Variants in OPCML observed in about 807,000 individuals in gnomAD.
OPCML encodes opioid-binding protein/cell adhesion molecule.
OPCML carries 13 observed loss-of-function variants against 37.8 expected under a neutral mutation model. The ratio of observed to expected loss-of-function variants is 0.34; its 90% CI spans 0.22 to 0.55. The LOEUF (loss-of-function observed/expected upper bound fraction) is 0.55, where lower values mean the gene tolerates loss of function less well. Ranked by LOEUF, OPCML falls within the 20% of genes least tolerant of loss-of-function variation. OPCML has a pLI of 0.91. For synonymous variants in OPCML, 176 were observed against 168.8 expected, an observed-to-expected ratio of 1.04 and a Z score of -0.33; for missense variants, 341 against 435.6, an observed-to-expected ratio of 0.78 and a Z score of 1.93.
In OPCML at chr11:133,128,133, G is replaced by T. The variant is rs190866774; in HGVS notation, c.62-185123C>A. 5.9e-5 allele frequency among the ~76,000 whole-genome samples: 9 copies of T among 152,156 alleles called. No individual in the cohort carries two copies. In the East Asian group the frequency reaches 1.7e-3, roughly 29 times the overall value. ...TTTACCGCAGGTTTCCTCACCCATT[G>T]GTCTCCAGCACCTCACAGTGACTGC... On this transcript the variant is annotated intron_variant, in intron 1 of 7. Coordinates refer to ENST00000524381, the MANE Select transcript of OPCML (RefSeq NM_001012393.5).
At chr11:132,854,073 C>A (rs575494489) in intron 2 of OPCML, among the ~76,000 whole-genome samples, 1 of 152,214 alleles carries the variant, frequency 6.6e-6, no homozygotes, top group African/African-American at 2.4e-5. Flanking sequence ...TTTGGTCTGA[C>A]AAACAACTAT....
chr11:132,570,937 G>A (rs1012932217), intron 3 of OPCML, among the ~76,000 whole-genome samples: 3 of 151,344 alleles, frequency 2.0e-5, no homozygotes, highest in Non-Finnish European at 2.9e-5. Context: ...CTGGTAAAAT[G>A]CTGCTTCTCT....
At chr11:133,175,257 G>A (rs1312526154) in intron 1 of OPCML, among the ~76,000 whole-genome samples, 1 of 152,186 alleles carries the variant, frequency 6.6e-6, no homozygotes, top group Non-Finnish European at 1.5e-5. Context: ...AGATGGAAGA[G>A]GCAACAATCA....
At chr11:133,241,875 T>G (rs1288111375) in intron 1 of OPCML, among the ~76,000 whole-genome samples, 1 of 152,120 alleles carries the variant, frequency 6.6e-6, no homozygotes, top group Non-Finnish European at 1.5e-5. Flanking sequence ...GGTTCCCTCC[T>G]TTTCCACCCT....
At chr11:132,878,913 C>T (rs1027592616) in intron 2 of OPCML, among the ~76,000 whole-genome samples, 3 of 152,124 alleles carry the variant, frequency 2.0e-5, no homozygotes, top group Non-Finnish European at 2.9e-5. Context: ...TTGAGTACTT[C>T]GTATTTCATT....
intron 1 of OPCML, among the ~76,000 whole-genome samples, chr11:133,311,007 C>T (rs760330262): frequency 6.6e-6 from 1 of 152,190 alleles, no homozygotes. Flanking sequence ...TTAGGCTTAA[C>T]AATTGCCAAC....
intron 1 of OPCML, among the ~76,000 whole-genome samples, chr11:133,480,309 G>C (rs1435558964): frequency 6.6e-6 from 1 of 152,198 alleles, no homozygotes; most frequent in Non-Finnish European, 1.5e-5. Flanking sequence ...TGAGGAAACT[G>C]TGGTCCGGAG....
chr11:132,660,772 C>T (rs1488987834), intron 2 of OPCML, among the ~76,000 whole-genome samples: 1 of 152,122 alleles, frequency 6.6e-6, no homozygotes, highest in Admixed American at 6.5e-5. Context: ...TGGGAGTCTC[C>T]TTCAAGACTG....
At position 133,283,889 on chromosome 11, in the gene OPCML, C is replaced by T. The variant is rs539291010; in HGVS notation, c.61+248375G>A. Among the ~76,000 whole-genome samples the T allele has an allele frequency of 1.5e-3, 230 of 152,242 alleles. 5 individuals are homozygous for T. The highest frequency in any genetic ancestry group is 0.01 in the Middle Eastern group (3 of 294). ...CTTAAGAACACCCACCAGTTTCCAGCGTTTCTTTTACTCCTTTCTAAATTG... is the reference window on the plus strand; with the variant it reads ...CTTAAGAACACCCACCAGTTTCCAGTGTTTCTTTTACTCCTTTCTAAATTG... On this transcript the variant is annotated intron_variant, in intron 1 of 7. Coordinates refer to ENST00000524381, the MANE Select transcript of OPCML (RefSeq NM_001012393.5).
chr11:133,415,101 T>C (rs1290874970), intron 1 of OPCML, among the ~76,000 whole-genome samples: 1 of 152,100 alleles, frequency 6.6e-6, no homozygotes, highest in Non-Finnish European at 1.5e-5. Flanking sequence ...AGAAATAACC[T>C]GAAAACCTTA....
In OPCML at chr11:132,441,797, T is replaced by C. The variant is rs773088159; in HGVS notation, c.506-4438A>G. On this transcript the variant is annotated intron_variant, in intron 4 of 7. Transcript: ENST00000524381. ...ACAAATGAGGCCATTCATCCGGGGATGTGGGGGTTGTTGCCTCAGATGCAG... is the reference window on the plus strand; with the variant it reads ...ACAAATGAGGCCATTCATCCGGGGACGTGGGGGTTGTTGCCTCAGATGCAG... Among the ~76,000 whole-genome samples, 20 of 152,256 alleles carry C rather than the reference T, an allele frequency of 1.3e-4. 1 individual carries two copies. The highest frequency in any genetic ancestry group is 2.6e-4 in the Admixed American group (4 of 15,298).
At chr11:132,685,774 A>G (rs930870547) in intron 2 of OPCML, among the ~76,000 whole-genome samples, 6 of 152,206 alleles carry the variant, frequency 3.9e-5, no homozygotes, top group African/African-American at 1.4e-4. Flanking sequence ...AAGGAGTAGA[A>G]CCTGGCTTGA....
At chr11:133,026,754 C>CT (rs1947562691) in intron 1 of OPCML, among the ~76,000 whole-genome samples, 1 of 152,062 alleles carries the variant, frequency 6.6e-6, no homozygotes, top group Admixed American at 6.5e-5. Context: ...CCGCTAGTGT[C>CT]TAAGTATGAC....
intron 1 of OPCML, among the ~76,000 whole-genome samples, chr11:133,489,098 AG>A (rs1262546226): frequency 6.6e-6 from 1 of 152,090 alleles, no homozygotes; most frequent in Non-Finnish European, 1.5e-5. Context: ...AAAGACCTAA[AG>A]GTAAGACCTG....
rs540929677 is a variant in OPCML, at chr11:132,944,260, C to T, written c.62-1250G>A. ...TCTGGGGAAAGCAGCAAACTGAAAA[C>T]TGACACTGGCACCTTCCCTCGCCGA... On this transcript the variant is annotated intron_variant, in intron 1 of 7. Coordinates refer to ENST00000524381, the MANE Select transcript of OPCML (RefSeq NM_001012393.5). Among the ~76,000 whole-genome samples the T allele has an allele frequency of 5.9e-5, 9 of 152,292 alleles. No individual in the cohort carries two copies. In the East Asian group the frequency reaches 1.7e-3, roughly 30 times the overall value.
rs1181492812 is a variant in OPCML, at chr11:132,655,862, CTTTTT to C, written c.379+1220_379+1224del. Among the ~76,000 whole-genome samples, 75 of 134,398 alleles carry C rather than the reference CTTTTT, an allele frequency of 5.6e-4. No homozygotes were observed. The South Asian group carries it at 0.018, about 33-fold the overall frequency. The allele number at this position is 134,398 out of a possible 152,430, so 88.2% of individuals were successfully genotyped here. ...AATTGAAATGAGCAACATCGTGGTC[CTTTTT>C]TTTTTTTTTTTTAAATCAGAGATGA... On this transcript the variant is annotated intron_variant, in intron 3 of 7. Coordinates refer to ENST00000524381, the MANE Select transcript of OPCML (RefSeq NM_001012393.5).
At chr11:132,532,432 T>C (rs935667735) in intron 3 of OPCML, among the ~76,000 whole-genome samples, 1 of 152,182 alleles carries the variant, frequency 6.6e-6, no homozygotes, top group African/African-American at 2.4e-5. Context: ...TATGCAACTT[T>C]GTTGTTTTCA....
intron 1 of OPCML, among the ~76,000 whole-genome samples, chr11:133,283,297 C>T (rs975926942): frequency 1.3e-5 from 2 of 152,028 alleles, no homozygotes; most frequent in South Asian, 2.1e-4. Context: ...TCTTCCCCAC[C>T]GTAATGAATG....
At chr11:133,364,339 C>A (rs1458225708) in intron 1 of OPCML, among the ~76,000 whole-genome samples, 1 of 152,142 alleles carries the variant, frequency 6.6e-6, no homozygotes, top group East Asian at 1.9e-4. Context: ...GATAAAAGAG[C>A]CCACATGAAA....
Sources: allele counts gnomAD v4.1 joint callset (sites outside exome capture counted in the v4.1 genomes callset), GRCh38; gene constraint gnomAD v4.1.1; transcripts MANE v1.5; gene names NCBI Gene and HGNC (gene_info 2026-07-23, HGNC 2026-07-21).